SCARA5: variants seen among roughly 807,000 people sequenced by gnomAD.
SCARA5 encodes the protein scavenger receptor class A member 5, also known as scavenger receptor class A, member 5 (putative).
Under a neutral mutation model 46.3 loss-of-function variants are expected in SCARA5, and 45 were observed. The observed-to-expected ratio is 0.97, with a 90% CI of 0.76 to 1.24. SCARA5 has a LOEUF of 1.24. Among genes scored for constraint, SCARA5 ranks in the 50% most tolerant of loss-of-function variants. The pLI is 0.00. For missense variants in SCARA5, 680 were observed against 689.0 expected (o/e 0.99, Z 0.15); for synonymous variants, 333 against 306.5 (o/e 1.09, Z -0.90).
At chr8:27,873,524 C>G (rs1227646238) in intron 8 of SCARA5, among the ~76,000 whole-genome samples, 1 of 152,004 alleles carries the variant, frequency 6.6e-6, no homozygotes, top group Non-Finnish European at 1.5e-5. Flanking sequence ...TCAAAAGCTC[C>G]CCCACTGAGC....
intron 7 of SCARA5, among the ~76,000 whole-genome samples, chr8:27,902,063 C>T (rs1807163495): frequency 6.6e-6 from 1 of 152,192 alleles, no homozygotes; most frequent in Non-Finnish European, 1.5e-5. Context: ...TGCTCAGCCC[C>T]TTCACCTCCC....
At chr8:27,990,183 G>C (rs555189685) in intron 1 of SCARA5, among the ~76,000 whole-genome samples, 1 of 152,318 alleles carries the variant, frequency 6.6e-6, no homozygotes, top group South Asian at 2.1e-4. Context: ...CCCTCAGCTG[G>C]TCCAGCAGGA....
At chr8:27,925,013 C>T (rs1042463010) in intron 3 of SCARA5, among the ~76,000 whole-genome samples, 5 of 152,222 alleles carry the variant, frequency 3.3e-5, no homozygotes, top group African/African-American at 9.7e-5. Flanking sequence ...GAAGAACATT[C>T]CATGCTCGTG....
rs187682982 is a variant in SCARA5 at position 27,871,073 on chromosome 8, A to C, written c.*861T>G. The C allele has an allele frequency of 6.6e-6, 1 of 152,320 alleles. No individual in the cohort carries two copies. The highest frequency in any genetic ancestry group is 1.9e-4 in the East Asian group (1 of 5,180). The allele number at this position is 152,320 out of a possible 1,614,324, so 9.4% of individuals were successfully genotyped here. ...CTGAAGTAGGCAACTTTCTAGTTAC[A>C]CAGGTCCTGCACCCAAGCTTTTAGC... On this transcript the variant is annotated 3_prime_UTR_variant, in exon 9 of 9. Transcript: ENST00000354914.
intron 2 of SCARA5, among the ~76,000 whole-genome samples, chr8:27,977,794 C>T (rs1251960875): frequency 6.6e-6 from 1 of 152,374 alleles, no homozygotes; most frequent in Admixed American, 6.5e-5. Context: ...CTAATTCCAG[C>T]CTCCCTGGCC....
chr8:27,990,626 G>A (rs1808774334), intron 1 of SCARA5, among the ~76,000 whole-genome samples: 1 of 152,206 alleles, frequency 6.6e-6, no homozygotes, highest in South Asian at 2.1e-4. Context: ...CTGCAGGGTT[G>A]CTTTGTTTGG....
chr8:27,987,102 T>G (rs959847283), intron 2 of SCARA5, among the ~76,000 whole-genome samples: 2 of 152,186 alleles, frequency 1.3e-5, no homozygotes, highest in African/African-American at 2.4e-5. Context: ...TCTTTGCCCC[T>G]CACGAGTGCT....
intron 5 of SCARA5, 22 bp from the exon 6 acceptor site, chr8:27,907,268 G>C (rs780917267): frequency 6.4e-7 from 1 of 1,573,178 alleles, no homozygotes; most frequent in South Asian, 1.1e-5. Context: ...ACAGACAAAT[G>C]GCAGAGCCTC....
intron 4 of SCARA5, among the ~76,000 whole-genome samples, chr8:27,912,834 A>C (rs1007156771): frequency 2.0e-5 from 3 of 152,210 alleles, no homozygotes; most frequent in Admixed American, 6.5e-5. Flanking sequence ...ACCCTGATGT[A>C]GGGCCTCTGG....
chr8:27,905,785 A>T (rs1328272186), intron 6 of SCARA5, among the ~76,000 whole-genome samples: 1 of 142,386 alleles, frequency 7.0e-6, no homozygotes, highest in African/African-American at 2.6e-5. Flanking sequence ...ATCTTAGCTC[A>T]CTGCAACTTC....
intron 3 of SCARA5, among the ~76,000 whole-genome samples, chr8:27,936,929 G>A (rs1038219292): frequency 6.6e-6 from 1 of 152,124 alleles, no homozygotes; most frequent in Admixed American, 6.5e-5. Flanking sequence ...GCTGTTTACT[G>A]TGCAAATGGG....
intron 7 of SCARA5, among the ~76,000 whole-genome samples, chr8:27,895,695 C>T (rs1314742712): frequency 6.6e-6 from 1 of 152,204 alleles, no homozygotes; most frequent in Non-Finnish European, 1.5e-5. Context: ...TTCCAAAGTG[C>T]TGTGTCTCCA....
intron 4 of SCARA5, among the ~76,000 whole-genome samples, chr8:27,917,762 G>A (rs1662104531): frequency 6.6e-6 from 1 of 152,210 alleles, no homozygotes; most frequent in Non-Finnish European, 1.5e-5. Flanking sequence ...ATAATTCACT[G>A]TAATTGTTAT....
intron 2 of SCARA5, among the ~76,000 whole-genome samples, chr8:27,984,098 C>T (rs1024452588): frequency 1.4e-4 from 22 of 152,134 alleles, no homozygotes; most frequent in African/African-American, 4.6e-4. Context: ...CAACTTCCCC[C>T]TCCTCCCTCC....
chr8:27,990,344 C>T (rs1808770597), intron 1 of SCARA5, among the ~76,000 whole-genome samples: 1 of 152,106 alleles, frequency 6.6e-6, no homozygotes, highest in South Asian at 2.1e-4. Flanking sequence ...TTCTTGGGGG[C>T]TGTTTTTCTT....
intron 7 of SCARA5, among the ~76,000 whole-genome samples, chr8:27,883,074 C>A (rs1310818053): frequency 1.3e-5 from 2 of 152,222 alleles, no homozygotes; most frequent in Admixed American, 1.3e-4. Flanking sequence ...GGGTCTGTTC[C>A]CCCTTCTCTG....
intron 7 of SCARA5, among the ~76,000 whole-genome samples, chr8:27,900,773 T>G (rs1807138682): frequency 6.7e-6 from 1 of 149,804 alleles, no homozygotes; most frequent in East Asian, 2.0e-4. Flanking sequence ...TCTCTTGAGA[T>G]ATGTATACGT....
At chr8:27,915,050 A>T (rs1341788686) in intron 4 of SCARA5, among the ~76,000 whole-genome samples, 1 of 152,182 alleles carries the variant, frequency 6.6e-6, no homozygotes, top group East Asian at 1.9e-4. Context: ...AGTACAGTCA[A>T]AACCACCCCC....
Position 27,949,057 on chromosome 8 carries a change from G to A in SCARA5, c.241+17357C>T, listed in dbSNP as rs149318687. Among the ~76,000 whole-genome samples the A allele has an allele frequency of 8.4e-3, 1,282 of 152,336 alleles. 23 individuals carry two copies. Among genetic ancestry groups the A allele is most frequent in the African/African-American group, 0.029 (1,219 of 41,586 alleles). The stretch of plus-strand genomic sequence containing the variant: ...AGCCACCCTCCTTGTCCCTCACTTC[G>A]GGGTGCCTCAGTTTCCCTATCTACT... On this transcript the variant is annotated intron_variant, in intron 3 of 8. Transcript: ENST00000354914.
Sources: allele counts gnomAD v4.1 joint callset (sites outside exome capture counted in the v4.1 genomes callset), GRCh38; gene constraint gnomAD v4.1.1; transcripts MANE v1.5; gene names NCBI Gene and HGNC (gene_info 2026-07-23, HGNC 2026-07-21).